The following EFCAB9 variants were observed in gnomAD, a reference collection of about 807,000 sequenced individuals.
EFCAB9 encodes the protein EF-hand calcium binding domain 9.
EFCAB9 carries 16 observed loss-of-function variants against 15.6 expected under a neutral mutation model. The observed-to-expected ratio is 1.03, with a 90% confidence interval of 0.69 to 1.56. The LOEUF (loss-of-function observed/expected upper bound fraction) is 1.56. Ranked by LOEUF, EFCAB9 falls within the 40% of genes most tolerant of loss-of-function variation. EFCAB9 has a pLI of 0.00. For missense variants in EFCAB9, 208 were observed against 235.4 expected, an observed-to-expected ratio of 0.88 and a Z score of 0.76; for synonymous variants, 76 against 85.4, an observed-to-expected ratio of 0.89 and a Z score of 0.61.
Position 172,203,448 on chromosome 5 carries a change from A to G in EFCAB9, c.*103A>G. ...GTCTAAAAATAAATTCAGAGCATCA[A>G]AGTAGATATCTTTATAATGACTTTT... On this transcript the variant is annotated 3_prime_UTR_variant, in exon 4 of 4. Coordinates refer to ENST00000398186, the MANE Select transcript of EFCAB9 (RefSeq NM_001171183.2). The G allele has an allele frequency of 4.3e-6, 6 of 1,380,582 alleles. No homozygotes were observed. The highest frequency in any genetic ancestry group is 5.7e-6 in the Non-Finnish European group (6 of 1,051,852). 85.5% of individuals were successfully genotyped at this position (1,380,582 alleles called of 1,614,324 possible).
chr5:172,197,431 G>A (rs566993555), intron 1 of EFCAB9, among the ~76,000 whole-genome samples: 1 of 152,262 alleles, frequency 6.6e-6, no homozygotes, highest in South Asian at 2.1e-4. Context: ...GCTGCTCAAT[G>A]TGTGGTCCTC....
intron 1 of EFCAB9, among the ~76,000 whole-genome samples, chr5:172,198,674 CA>C (rs1771200589): frequency 6.6e-6 from 1 of 152,104 alleles, no homozygotes; most frequent in Non-Finnish European, 1.5e-5. Flanking sequence ...TGGAGTGCAG[CA>C]GCACGATCTT....
chr5:172,197,251 G>C (rs541999931), intron 1 of EFCAB9, among the ~76,000 whole-genome samples: 1 of 152,218 alleles, frequency 6.6e-6, no homozygotes, highest in South Asian at 2.1e-4. Flanking sequence ...GGGATTACAG[G>C]CATGCGCCAC....
intron 1 of EFCAB9, among the ~76,000 whole-genome samples, chr5:172,198,024 G>A (rs911268305): frequency 1.3e-5 from 2 of 152,108 alleles, no homozygotes; most frequent in African/African-American, 4.8e-5. Context: ...TTTTTACAGA[G>A]TGCTGATTCG....
At chr5:172,202,381 T>A (rs2113862425) in intron 3 of EFCAB9, among the ~76,000 whole-genome samples, 1 of 148,772 alleles carries the variant, frequency 6.7e-6, no homozygotes, top group East Asian at 2.0e-4. Flanking sequence ...AAGCCGCAAT[T>A]ACTTTTGCCT....
At chr5:172,198,914 G>A (rs182921528) in intron 1 of EFCAB9, among the ~76,000 whole-genome samples, 37 of 152,266 alleles carry the variant, frequency 2.4e-4, no homozygotes, top group Non-Finnish European at 4.1e-4. Context: ...GTGCCTGGCC[G>A]AAGGGGAATG....
intron 1 of EFCAB9, among the ~76,000 whole-genome samples, chr5:172,196,073 ACCTCAG>A (rs1771155965): frequency 6.6e-6 from 1 of 152,036 alleles, no homozygotes; most frequent in South Asian, 2.1e-4. Flanking sequence ...TGATCCGCCC[ACCTCAG>A]CCTCCCAAAG....
At chr5:172,200,118 C>T (rs896147453) in intron 2 of EFCAB9, among the ~76,000 whole-genome samples, 6 of 151,774 alleles carry the variant, frequency 4.0e-5, no homozygotes, top group African/African-American at 7.3e-5. Context: ...GGGGTTTCAC[C>T]ATGTTGGCCA....
Position 172,199,374 on chromosome 5 carries a change from C to G in EFCAB9, c.137-9C>G. 1 of 1,537,118 alleles carries G rather than the reference C, an allele frequency of 6.5e-7. No homozygotes were observed. The highest frequency in any genetic ancestry group is 1.4e-5 in the African/African-American group (1 of 73,156). On this transcript the variant is annotated splice_polypyrimidine_tract_variant and intron_variant, in intron 1 of 3. Coordinates refer to ENST00000398186, the MANE Select transcript of EFCAB9 (RefSeq NM_001171183.2). ...AATAACACATCTCCTCACCTGCCCA[C>G]CTTAACAGATGTGCTGTTCTATCAC...
At chr5:172,199,106 T>C (rs17074413) in intron 1 of EFCAB9, among the ~76,000 whole-genome samples, 20,769 of 152,246 alleles carry the variant, frequency 0.14, 1,770 homozygotes, top group African/African-American at 0.24. Flanking sequence ...CATATCTGTC[T>C]GCTCCATGGA....
At chr5:172,198,900 T>C (rs576765999) in intron 1 of EFCAB9, among the ~76,000 whole-genome samples, 6 of 152,338 alleles carry the variant, frequency 3.9e-5, no homozygotes, top group South Asian at 2.1e-4. Context: ...AGGCATGAGC[T>C]ACTGTGCCTG....
At chr5:172,198,949 T>A (rs1321188245) in intron 1 of EFCAB9, among the ~76,000 whole-genome samples, 4 of 152,202 alleles carry the variant, frequency 2.6e-5, no homozygotes, top group Admixed American at 6.5e-5. Flanking sequence ...ATTTTAATTA[T>A]CTCAAGGGAA....
chr5:172,197,898 G>A (rs531463744), intron 1 of EFCAB9, among the ~76,000 whole-genome samples: 1 of 152,124 alleles, frequency 6.6e-6, no homozygotes, highest in South Asian at 2.1e-4. Flanking sequence ...ACAGAGTGCT[G>A]ATTGCTCCAT....
At chr5:172,195,165 TAAATAAATAAATAAATAA>T (rs1481958302) in intron 1 of EFCAB9, among the ~76,000 whole-genome samples, 9 of 144,802 alleles carry the variant, frequency 6.2e-5, no homozygotes, top group South Asian at 2.1e-4. Context: ...AATAAATAAA[TAAATAAATAAATAAATAA>T]AAATAAATAA....
chr5:172,195,765 G>T (rs1448485014), intron 1 of EFCAB9, among the ~76,000 whole-genome samples: 4 of 152,152 alleles, frequency 2.6e-5, no homozygotes. Flanking sequence ...TTGGAGACTT[G>T]GGTGAGCCAG....
At chr5:172,201,431 C>T (rs181440870) in intron 3 of EFCAB9, among the ~76,000 whole-genome samples, 21 of 152,192 alleles carry the variant, frequency 1.4e-4, no homozygotes, top group African/African-American at 5.1e-4. Flanking sequence ...CCTGTAATCC[C>T]AGCTACTTGG....
chr5:172,198,591 A>G (rs1011612773), intron 1 of EFCAB9, among the ~76,000 whole-genome samples: 1 of 152,222 alleles, frequency 6.6e-6, no homozygotes, highest in Non-Finnish European at 1.5e-5. Flanking sequence ...GAGGCACATC[A>G]AGGCGTTTAT....
rs1262661317 is a variant in EFCAB9 at position 172,199,490 on chromosome 5, GAGA to G, written c.247_249del (p.Lys83del). 2.0e-6 allele frequency: 3 copies of G among 1,537,370 alleles called. No individual in the cohort carries two copies. Among genetic ancestry groups the G allele is most frequent in the Non-Finnish European group, 2.6e-6 (3 of 1,146,938 alleles). On this transcript the variant is annotated inframe_deletion, in exon 2 of 4. Coordinates refer to ENST00000398186, the MANE Select transcript of EFCAB9 (RefSeq NM_001171183.2). ...GAACGCTGTGGGCGAGATCGACTTT[GAGA>G]AGTTCTACATGCTGGTGTGCATGCT...
chr5:172,200,740 A>T lies in EFCAB9; in HGVS notation c.460A>T (p.Asn154Tyr), dbSNP rs1352811630. Residue 154 changes from asparagine to tyrosine, a missense_variant and splice_region_variant, in exon 3 of 4, where the codon AAT becomes TAT. Asn to Tyr is a moderately radical substitution (Grantham distance 143). Coordinates refer to ENST00000398186, the MANE Select transcript of EFCAB9 (RefSeq NM_001171183.2). ...CCGTGACTTTGACATTACAGGTGACAATGTAAGTACAGATCCAAAATGTGG... is the reference window on the plus strand; with the variant it reads ...CCGTGACTTTGACATTACAGGTGACTATGTAAGTACAGATCCAAAATGTGG... ...LFRDFDITGD[N>Y]RLNYQEFKLY... 1 of 1,536,446 alleles carries T rather than the reference A, an allele frequency of 6.5e-7. No homozygotes were observed. Among genetic ancestry groups the T allele is most frequent in the Admixed American group, 2.0e-5 (1 of 50,864 alleles).
Sources: allele counts gnomAD v4.1 joint callset (sites outside exome capture counted in the v4.1 genomes callset), GRCh38; gene constraint gnomAD v4.1.1; transcripts MANE v1.5; gene names NCBI Gene and HGNC (gene_info 2026-07-23, HGNC 2026-07-21).